Variants in SIGLEC7 observed in about 807,000 individuals in gnomAD.
SIGLEC7 encodes the protein sialic acid binding Ig like lectin 7, also known as sialic acid-binding Ig-like lectin 7.
A neutral mutation model predicts 40.8 loss-of-function variants in SIGLEC7; 33 were observed. The observed-to-expected ratio is 0.81, with a 90% CI of 0.61 to 1.08. The LOEUF (loss-of-function observed/expected upper bound fraction) is 1.08, where lower values mean the gene tolerates loss of function less well. Among genes scored for constraint, SIGLEC7 ranks in the 50% least tolerant of loss-of-function variants. The pLI, the probability that SIGLEC7 is intolerant of heterozygous loss-of-function variation, is 0.00. For missense variants in SIGLEC7, 513 were observed against 576.1 expected (o/e 0.89, Z 1.12); for synonymous variants, 242 against 237.6 (o/e 1.02, Z -0.17).
intron 6 of SIGLEC7, among the ~76,000 whole-genome samples, chr19:51,150,739 T>A (rs913856082): frequency 6.6e-6 from 1 of 151,988 alleles, no homozygotes; most frequent in Non-Finnish European, 1.5e-5. Flanking sequence ...TATTGTGTGA[T>A]TGAAGAGCCT....
At chr19:51,144,885 G>T (rs372184160) in intron 2 of SIGLEC7, 27 bp from the exon 3 acceptor site, 1 of 1,613,006 alleles carries the variant, frequency 6.2e-7, no homozygotes, top group Non-Finnish European at 8.5e-7. Context: ...TCACAGTGAT[G>T]CAGGTCTCCA....
rs1172935034 is a variant in SIGLEC7, at chr19:51,153,377, A to T, written c.*132A>T. 6 of 678,260 alleles carry T rather than the reference A, an allele frequency of 8.8e-6. No individual in the cohort carries two copies. The highest frequency in any genetic ancestry group is 7.4e-5 in the Admixed American group (2 of 27,100). The allele number at this position is 678,260 out of a possible 1,614,324, so 42.0% of individuals were successfully genotyped here. Reference sequence around the variant, plus strand: ...CATCAGAACTTATTCCTCTTGTCTAACTGAAAATGCATGCCTGATGACCAA... The same window carrying T: ...CATCAGAACTTATTCCTCTTGTCTATCTGAAAATGCATGCCTGATGACCAA... On this transcript the variant is annotated 3_prime_UTR_variant, in exon 7 of 7. Transcript: ENST00000317643.
chr19:51,147,083 G>T (rs2092113385), intron 5 of SIGLEC7, 138 bp from the exon 6 acceptor site: 5 of 1,321,294 alleles, frequency 3.8e-6, no homozygotes, highest in Admixed American at 2.5e-5. Flanking sequence ...TCAACACTGG[G>T]GTCTCTGGGA....
chr19:51,147,132 GC>G (rs2092113727), intron 5 of SIGLEC7, 88 bp from the exon 6 acceptor site: 1 of 1,584,232 alleles, frequency 6.3e-7, no homozygotes, highest in African/African-American at 1.4e-5. Flanking sequence ...CCCCTCCAGC[GC>G]CCCAACAGGA....
chr19:51,144,321 C>A, intron 1 of SIGLEC7, 85 bp from the exon 2 acceptor site: 1 of 1,518,386 alleles, frequency 6.6e-7, no homozygotes, highest in Non-Finnish European at 8.8e-7. Flanking sequence ...GGGCTCAGGG[C>A]AGAAGCTGAA....
rs1359524866 is a variant in SIGLEC7 at position 51,142,805 on chromosome 19, A to C, written c.433+3A>C. 1 of 1,582,420 alleles carries C rather than the reference A, an allele frequency of 6.3e-7. No individual in the cohort carries two copies. The highest frequency in any genetic ancestry group is 1.7e-5 in the Admixed American group (1 of 58,206). On this transcript the variant is annotated splice_donor_region_variant and intron_variant, in intron 1 of 6. Transcript: ENST00000317643. The surrounding 1 kb of genome is among the most constrained non-coding windows in gnomAD (Gnocchi z 5.0). Reference sequence around the variant, plus strand: ...CCAGCTCTCTGTGAACGTGACAGGTAAGGCACGGGCTCCAAGAGAGGCCAA... The same window carrying C: ...CCAGCTCTCTGTGAACGTGACAGGTCAGGCACGGGCTCCAAGAGAGGCCAA...
In SIGLEC7 at chr19:51,142,422, G is replaced by A; in HGVS notation, c.53G>A (p.Gly18Glu). 6.2e-7 allele frequency: 1 copy of A among 1,614,148 alleles called. No homozygotes were observed. The change falls in exon 1 of 7, where the codon GGA becomes GAA. Residue 18 changes from glycine (G) to glutamate (E), a missense_variant. By Grantham distance (98) the Gly-to-Glu change is moderately conservative. Transcript: ENST00000317643. This position sits in a 1 kb window ranked among gnomAD's most constrained non-coding sequence, Gnocchi z 5.0. ...CTCTGGGGGAGGGAGAGGGTGGAAGGACAGAAGAGTAACCGGAAGGATTAC... is the reference window on the plus strand; with the variant it reads ...CTCTGGGGGAGGGAGAGGGTGGAAGAACAGAAGAGTAACCGGAAGGATTAC... ...PLLWGRERVE[G>E]QKSNRKDYSL...
chr19:51,144,752 G>A (rs1433127234), intron 2 of SIGLEC7, 68 bp downstream of exon 2: 33 of 1,588,088 alleles, frequency 2.1e-5, no homozygotes, highest in Non-Finnish European at 2.8e-5. Context: ...AGAGGATGGG[G>A]TCAGGGCTCG....
In SIGLEC7 at chr19:51,142,842, A is replaced by T. The variant is rs1282914884; in HGVS notation, c.433+40A>T. On this transcript the variant is annotated intron_variant, in intron 1 of 6. Coordinates refer to ENST00000317643, the MANE Select transcript of SIGLEC7 (RefSeq NM_014385.4). The surrounding 1 kb of genome is among the most constrained non-coding windows in gnomAD (Gnocchi z 5.0). Reference sequence around the variant, plus strand: ...CCAAGAGAGGCCAAAGGCAAATGTGATGAGGGCTTTAGGGCACGGCTGAGA... The same window carrying T: ...CCAAGAGAGGCCAAAGGCAAATGTGTTGAGGGCTTTAGGGCACGGCTGAGA... The T allele has an allele frequency of 6.4e-7, 1 of 1,550,770 alleles. No individual in the cohort carries two copies. The highest frequency in any genetic ancestry group is 8.7e-7 in the Non-Finnish European group (1 of 1,145,566).
Position 51,144,487 on chromosome 19 carries a change from G to A in SIGLEC7, c.515G>A (p.Trp172Ter). ...CAGAATCTGACCTGCTCTGTGCCCT[G>A]GGCCTGTGAGCAGGGGACGCCCCCT... Reference protein sequence around the residue: ...CFQNLTCSVPWACEQGTPPMI... With the variant: ...CFQNLTCSVP The change falls in exon 2 of 7, where the codon TGG (tryptophan) becomes TAG (stop). Residue 172 changes from tryptophan to a stop codon, truncating the protein, a stop_gained. Coordinates refer to ENST00000317643, the MANE Select transcript of SIGLEC7 (RefSeq NM_014385.4). LOFTEE classifies it high-confidence loss of function. 6 of 1,613,766 alleles carry A rather than the reference G, an allele frequency of 3.7e-6. No individual in the cohort carries two copies. The highest frequency in any genetic ancestry group is 5.1e-6 in the Non-Finnish European group (6 of 1,180,002).
rs754544839 is a variant in SIGLEC7 at position 51,145,853 on chromosome 19, A to G, written c.761-2A>G. The G allele has an allele frequency of 5.6e-6, 9 of 1,613,680 alleles. No homozygotes were observed. In the African/African-American group the frequency reaches 1.1e-4, roughly 19 times the overall value. On this transcript the variant is annotated splice_acceptor_variant, in intron 3 of 6. Coordinates refer to ENST00000317643, the MANE Select transcript of SIGLEC7 (RefSeq NM_014385.4). LOFTEE classifies it high-confidence loss of function. This position sits in a 1 kb window ranked among gnomAD's most constrained non-coding sequence, Gnocchi z 4.3. ...TTTGAACCTCCAACTTTTTCTCTAC[A>G]GCATCCACAGCTCTGGGGAACAGCT...
At chr19:51,149,713 T>C (rs1036424720) in intron 6 of SIGLEC7, among the ~76,000 whole-genome samples, 2 of 152,230 alleles carry the variant, frequency 1.3e-5, no homozygotes, top group African/African-American at 2.4e-5. Context: ...TTGATAGAAA[T>C]AGCATTGAAT....
intron 2 of SIGLEC7, 73 bp downstream of exon 2, chr19:51,144,757 G>A (rs2092096095): frequency 2.5e-6 from 4 of 1,587,270 alleles, no homozygotes; most frequent in Non-Finnish European, 3.4e-6. Context: ...ATGGGGTCAG[G>A]GCTCGACACT....
At position 51,144,617 on chromosome 19, in the gene SIGLEC7, C is replaced by T; in HGVS notation, c.645C>T (p.Leu215=). 1 of 1,613,998 alleles carries T rather than the reference C, an allele frequency of 6.2e-7. No individual in the cohort carries two copies. Among genetic ancestry groups the T allele is most frequent in the Non-Finnish European group, 8.5e-7 (1 of 1,179,980 alleles). The change falls in exon 2 of 7, where the codon CTC becomes CTT. Residue 215 remains leucine, a synonymous_variant. Coordinates refer to ENST00000317643, the MANE Select transcript of SIGLEC7 (RefSeq NM_014385.4). ...AGCCCCAGCACCACGGCACCAGCCT[C>T]ACCTGTCAGGTGACCTTGCCTGGGG... is the stretch of plus-strand genomic sequence containing the variant. ...IPQPQHHGTS[L]TCQVTLPGAG...
At position 51,151,979 on chromosome 19, in the gene SIGLEC7, T is replaced by C. The variant is rs572903142; in HGVS notation, c.1222-1084T>C. Reference sequence around the variant, plus strand: ...TCTCTGCTGTGTGAGTCTGTATTAGTTTCCTGTGGCTGCTGTGACAAATTA... The same window carrying C: ...TCTCTGCTGTGTGAGTCTGTATTAGCTTCCTGTGGCTGCTGTGACAAATTA... On this transcript the variant is annotated intron_variant, in intron 6 of 6. Transcript: ENST00000317643. 4.0e-4 allele frequency among the ~76,000 whole-genome samples: 61 copies of C among 152,308 alleles called. No homozygotes were observed. In the South Asian group the frequency reaches 0.012, roughly 31 times the overall value.
Position 51,142,711 on chromosome 19 carries a change from A to G in SIGLEC7, c.342A>G (p.Arg114=). ...GCACCCTGAGCATCAGAGATGCCAG[A>G]ATGAGTGATGCGGGGAGATACTTCT... ...KNCTLSIRDA[R]MSDAGRYFFR... The change falls in exon 1 of 7, where the codon AGA becomes AGG. Residue 114 remains arginine (R), a synonymous_variant. Coordinates refer to ENST00000317643, the MANE Select transcript of SIGLEC7 (RefSeq NM_014385.4). This position sits in a 1 kb window ranked among gnomAD's most constrained non-coding sequence, Gnocchi z 5.0. 1.2e-6 allele frequency: 2 copies of G among 1,614,186 alleles called. No individual in the cohort carries two copies. The highest frequency in any genetic ancestry group is 8.5e-7 in the Non-Finnish European group (1 of 1,180,032).
In SIGLEC7 at chr19:51,145,743, G is replaced by A. The variant is rs1024893684; in HGVS notation, c.761-112G>A. On this transcript the variant is annotated intron_variant, in intron 3 of 6. Coordinates refer to ENST00000317643, the MANE Select transcript of SIGLEC7 (RefSeq NM_014385.4). This position sits in a 1 kb window ranked among gnomAD's most constrained non-coding sequence, Gnocchi z 4.3. ...AACAGTGAGCGGTGAACATAAGTAT[G>A]TCCCTGCACCAGCCTACATCACTCT... 1.0e-5 allele frequency: 13 copies of A among 1,240,800 alleles called. No individual in the cohort carries two copies. In the African/African-American group the frequency reaches 1.6e-4, roughly 16 times the overall value. 76.9% of individuals were successfully genotyped at this position (1,240,800 alleles called of 1,614,324 possible).
In SIGLEC7 at chr19:51,142,375, G is replaced by A. The variant is rs1220898482; in HGVS notation, c.6G>A (p.Leu2=). The A allele has an allele frequency of 6.2e-7, 1 of 1,612,770 alleles. No individual in the cohort carries two copies. Among genetic ancestry groups the A allele is most frequent in the Non-Finnish European group, 8.5e-7 (1 of 1,179,228 alleles). M[L]LLLLLPLLWG... ...TGGCACCTCCAACCCCAGATATGCT[G>A]CTGCTGCTGCTGCTGCCCCTGCTCT... The change falls in exon 1 of 7, where the codon CTG becomes CTA. Residue 2 remains leucine, a synonymous_variant. Transcript: ENST00000317643. The surrounding 1 kb of genome is among the most constrained non-coding windows in gnomAD (Gnocchi z 5.0).
chr19:51,151,278 G>A (rs1325211549), intron 6 of SIGLEC7, among the ~76,000 whole-genome samples: 1 of 152,230 alleles, frequency 6.6e-6, no homozygotes, highest in Non-Finnish European at 1.5e-5. Flanking sequence ...TTTTTGCCCT[G>A]AGCAGTGGGA....
Sources: allele counts gnomAD v4.1 joint callset (sites outside exome capture counted in the v4.1 genomes callset), GRCh38; gene constraint gnomAD v4.1.1; non-coding constraint Gnocchi (gnomAD v3.1); transcripts MANE v1.5; gene names NCBI Gene and HGNC (gene_info 2026-07-23, HGNC 2026-07-21).